Variants in RP1 observed in about 807,000 individuals in gnomAD.
RP1 encodes oxygen-regulated protein 1.
A neutral mutation model predicts 14.8 loss-of-function variants in RP1; 16 were observed. The ratio of observed to expected loss-of-function variants is 1.08; its 90% CI spans 0.73 to 1.65. RP1 has a LOEUF of 1.65. Ranked by LOEUF, RP1 falls within the 40% of genes most tolerant of loss-of-function variation. The pLI, the probability that RP1 is intolerant of heterozygous loss-of-function variation, is 0.00. For missense variants in RP1, 2,631 were observed against 2,535.0 expected (o/e 1.04, Z -0.81); for synonymous variants, 876 against 883.6 (o/e 0.99, Z 0.15).
chr8:54,756,358 T>TAA (rs1463451498), intron 21 of RP1, among the ~76,000 whole-genome samples: 1 of 152,178 alleles, frequency 6.6e-6, no homozygotes, highest in East Asian at 1.9e-4. Flanking sequence ...TGAAATTAAG[T>TAA]TTGGGGATTA....
At chr8:54,806,164 G>A (rs982030298) in intron 24 of RP1, among the ~76,000 whole-genome samples, 3 of 151,982 alleles carry the variant, frequency 2.0e-5, no homozygotes, top group Admixed American at 1.3e-4. Flanking sequence ...GATTACAAGC[G>A]CCTGCCACCA....
chr8:54,636,439 T>A (rs1806346907), intron 3 of RP1, among the ~76,000 whole-genome samples: 1 of 152,178 alleles, frequency 6.6e-6, no homozygotes, highest in Non-Finnish European at 1.5e-5. Context: ...GAAACCATCA[T>A]AAAAATCACA....
Position 54,626,984 on chromosome 8 carries a change from TA to T in RP1, c.3104del (p.Asn1035IlefsTer6), listed in dbSNP as rs1297201344. ...TGTCACAGTCAGCTATTAATGATCA[TA>T]ATACTAAAAGTCATATAGCTGCTGA... ...TLSQSAINDHNTKSHIAAEKS... is the reference protein window; with the variant it reads ...TLSQSAINDHXTKSHIAAEKS... On this transcript the variant is annotated frameshift_variant, in exon 4 of 4. Coordinates refer to ENST00000220676, the MANE Select transcript of RP1 (RefSeq NM_006269.2). LOFTEE classifies it low-confidence loss of function (END_TRUNC). 6.2e-7 allele frequency: 1 copy of T among 1,613,972 alleles called. No homozygotes were observed. Among genetic ancestry groups the T allele is most frequent in the South Asian group, 1.1e-5 (1 of 91,080 alleles).
intron 4 of RP1, chr8:54,649,184 A>C (rs1358584220): frequency 1.4e-6 from 2 of 1,411,600 alleles, no homozygotes; most frequent in Non-Finnish European, 1.8e-6. Context: ...TGTTAATATA[A>C]GTGATACACC....
intron 26 of RP1, among the ~76,000 whole-genome samples, chr8:54,855,674 T>C (rs888545652): frequency 2.0e-5 from 3 of 152,060 alleles, no homozygotes; most frequent in Admixed American, 6.5e-5. Context: ...ATTTAAAACA[T>C]GGGCATGACA....
chr8:54,869,454 A>C (rs1401607744), intron 28 of RP1, among the ~76,000 whole-genome samples: 2 of 152,152 alleles, frequency 1.3e-5, no homozygotes, highest in African/African-American at 2.4e-5. Context: ...GTTCTCTTGA[A>C]GAGTGCTGTC....
chr8:54,765,397 G>A (rs549141938), intron 22 of RP1, among the ~76,000 whole-genome samples: 2 of 152,350 alleles, frequency 1.3e-5, no homozygotes, highest in South Asian at 4.1e-4. Context: ...ACAGGGCTGA[G>A]TATATCATTT....
chr8:54,680,501 G>T (rs933844677), intron 12 of RP1, among the ~76,000 whole-genome samples: 1 of 152,096 alleles, frequency 6.6e-6, no homozygotes, highest in African/African-American at 2.4e-5. Context: ...AACAATATTT[G>T]CCTGCAACAC....
At chr8:54,744,542 T>C (rs900130776) in intron 19 of RP1, among the ~76,000 whole-genome samples, 9 of 152,248 alleles carry the variant, frequency 5.9e-5, no homozygotes, top group African/African-American at 1.7e-4. Flanking sequence ...ACACAAGCCG[T>C]TTGACCTTGT....
chr8:54,839,343 A>C (rs1315758979), intron 25 of RP1, among the ~76,000 whole-genome samples: 2 of 152,204 alleles, frequency 1.3e-5, no homozygotes, highest in Non-Finnish European at 2.9e-5. Flanking sequence ...ATACCCACTC[A>C]TTCAACCATT....
At chr8:54,579,772 T>C (rs1463137908) in intron 1 of RP1, among the ~76,000 whole-genome samples, 1 of 152,220 alleles carries the variant, frequency 6.6e-6, no homozygotes, top group African/African-American at 2.4e-5. Context: ...TGTACTCTGG[T>C]GTTTCCCTGG....
chr8:54,803,791 C>A (rs747771877), intron 24 of RP1, among the ~76,000 whole-genome samples: 1 of 151,994 alleles, frequency 6.6e-6, no homozygotes, highest in African/African-American at 2.4e-5. Flanking sequence ...AACAATGGGC[C>A]GGGCACAATG....
rs1807960384 is a variant in RP1 at position 54,699,494 on chromosome 8, G to GA, written c.1748dup (p.Asn583LysfsTer9). On this transcript the variant is annotated frameshift_variant, in exon 13 of 23. Coordinates refer to the RP1 transcript ENST00000636932. LOFTEE classifies it high-confidence loss of function. Reference sequence around the variant, plus strand: ...GTCTTTGATGTTATTTTCAACAAAAGAAATATATGCATTTTCCAAAGTCAT... The same window carrying GA: ...GTCTTTGATGTTATTTTCAACAAAAGAAAATATATGCATTTTCCAAAGTCAT... 1 of 1,388,096 alleles carries GA rather than the reference G, an allele frequency of 7.2e-7. No individual in the cohort carries two copies. 86.0% of individuals were successfully genotyped at this position (1,388,096 alleles called of 1,614,324 possible).
intron 25 of RP1, among the ~76,000 whole-genome samples, chr8:54,841,673 T>G (rs1811794097): frequency 6.6e-6 from 1 of 152,122 alleles, no homozygotes; most frequent in African/African-American, 2.4e-5. Flanking sequence ...ATCCGCGGTG[T>G]TGGTTGGGAG....
chr8:54,624,970 A>G lies in RP1; in HGVS notation c.1088A>G (p.Glu363Gly), dbSNP rs754694619. Residue 363 changes from glutamate (E) to glycine (G), a missense_variant, in exon 4 of 4, where the codon GAA becomes GGA. Glu to Gly is a moderately conservative substitution (Grantham distance 98, BLOSUM62 -2). Transcript: ENST00000220676. ...AAAACTGGTCCTTCTAATAATGATG[A>G]AAAGAGTGAGATGAGTTTTCCAGGA... The part of the protein sequence containing the change: ...VSKTGPSNND[E>G]KSEMSFPGRT... 6.2e-7 allele frequency: 1 copy of G among 1,614,188 alleles called. No homozygotes were observed. The highest frequency in any genetic ancestry group is 1.7e-5 in the Admixed American group (1 of 60,028).
rs1310117096 is a variant in RP1, at chr8:54,866,206, C to T, written c.4151+290C>T. Reference sequence around the variant, plus strand: ...CTTCTTTCTGTTTCTAAAACACATGCTAAGCTCCCTGCTAGTACTGTGAAC... The same window carrying T: ...CTTCTTTCTGTTTCTAAAACACATGTTAAGCTCCCTGCTAGTACTGTGAAC... On this transcript the variant is annotated intron_variant, in intron 28 of 28. Coordinates refer to the RP1 transcript ENST00000637698. Among the ~76,000 whole-genome samples the T allele has an allele frequency of 2.0e-5, 3 of 152,148 alleles. No homozygotes were observed. In the East Asian group the frequency reaches 5.8e-4, roughly 29 times the overall value.
At chr8:54,694,752 G>C (rs1405404273) in intron 12 of RP1, among the ~76,000 whole-genome samples, 1 of 151,798 alleles carries the variant, frequency 6.6e-6, no homozygotes, top group Non-Finnish European at 1.5e-5. Flanking sequence ...CAATTTTGTT[G>C]ATCTTTTCAA....
intron 19 of RP1, chr8:54,739,170 A>G (rs559163196): frequency 4.3e-6 from 2 of 468,532 alleles, no homozygotes; most frequent in East Asian, 6.3e-5. Flanking sequence ...CTGTAAACTC[A>G]TGGTAAATAA....
At chr8:54,865,251 TTTAAG>T (rs757571956) in intron 27 of RP1, among the ~76,000 whole-genome samples, 15 of 152,078 alleles carry the variant, frequency 9.9e-5, no homozygotes, top group Non-Finnish European at 1.8e-4. Context: ...TCTTTGGGTT[TTTAAG>T]TTAAGTCATA....
Sources: allele counts gnomAD v4.1 joint callset (sites outside exome capture counted in the v4.1 genomes callset), GRCh38; gene constraint gnomAD v4.1.1; transcripts MANE v1.5; gene names NCBI Gene and HGNC (gene_info 2026-07-23, HGNC 2026-07-21).